DOCK2: variants seen among roughly 807,000 people sequenced by gnomAD.
The protein encoded by DOCK2 is dedicator of cytokinesis 2, also known as dedicator of cytokinesis protein 2.
Under a neutral mutation model 248.9 loss-of-function variants are expected in DOCK2, and 87 were observed. That is an observed-to-expected ratio of 0.35 (90% confidence interval 0.29 to 0.42). The LOEUF (loss-of-function observed/expected upper bound fraction) is 0.42. Among genes scored for constraint, DOCK2 ranks in the 10% least tolerant of loss-of-function variants. DOCK2 has a pLI of 1.00. For missense variants in DOCK2, 1,747 were observed against 2,300.2 expected (o/e 0.76, Z 4.92); for synonymous variants, 805 against 821.6 (o/e 0.98, Z 0.35).
chr5:169,801,690 T>G (rs1766999199), intron 25 of DOCK2, among the ~76,000 whole-genome samples: 1 of 152,114 alleles, frequency 6.6e-6, no homozygotes, highest in South Asian at 2.1e-4. Context: ...CTCCCCCACG[T>G]ACAGTCAGGG....
chr5:170,069,954 C>A (rs1000106264), intron 46 of DOCK2, among the ~76,000 whole-genome samples: 1 of 152,124 alleles, frequency 6.6e-6, no homozygotes, highest in African/African-American at 2.4e-5. Context: ...TTTTGCCCCC[C>A]ACCCCCACAC....
chr5:169,782,596 T>A (rs1241225683), intron 25 of DOCK2, among the ~76,000 whole-genome samples: 3 of 151,988 alleles, frequency 2.0e-5, no homozygotes, highest in Non-Finnish European at 4.4e-5. Flanking sequence ...AGGTCCTTCT[T>A]TCTACGCCTT....
At chr5:169,777,468 C>T (rs569502461) in intron 25 of DOCK2, among the ~76,000 whole-genome samples, 9 of 152,262 alleles carry the variant, frequency 5.9e-5, no homozygotes, top group Admixed American at 2.0e-4. Context: ...TGGAACCAGA[C>T]GCCACAGTGG....
At chr5:169,813,119 C>T (rs1767859572) in intron 26 of DOCK2, among the ~76,000 whole-genome samples, 1 of 152,206 alleles carries the variant, frequency 6.6e-6, no homozygotes, top group Non-Finnish European at 1.5e-5. Flanking sequence ...CTGTACAGGG[C>T]AGTGAGCTGG....
At chr5:169,722,518 C>G (rs766212075) in intron 22 of DOCK2, among the ~76,000 whole-genome samples, 2 of 152,196 alleles carry the variant, frequency 1.3e-5, no homozygotes, top group Non-Finnish European at 2.9e-5. Flanking sequence ...GATGTTCATG[C>G]AGGACAGACA....
chr5:169,671,107 T>G lies in DOCK2; in HGVS notation c.254T>G (p.Ile85Ser). Residue 85 changes from isoleucine to serine, a missense_variant, in exon 5 of 52, where the codon ATT (isoleucine) becomes AGT (serine). This residue lies in a region of DOCK2 where 375 missense variants were observed against 510.9 expected (regional missense o/e 0.73). Transcript: ENST00000520908. ...RNTENIIPAE[I>S]PLAQEVTTTL... is the part of the protein sequence containing the mutation. Reference sequence around the variant, plus strand: ...ACTGAGAACATCATTCCTGCAGAAATTCCTCTGGCACAAGAAGTGACAACG... The same window carrying G: ...ACTGAGAACATCATTCCTGCAGAAAGTCCTCTGGCACAAGAAGTGACAACG... 6.2e-7 allele frequency: 1 copy of G among 1,614,040 alleles called. No individual in the cohort carries two copies.
chr5:169,805,637 C>T (rs1409186895), intron 26 of DOCK2, among the ~76,000 whole-genome samples: 2 of 152,182 alleles, frequency 1.3e-5, no homozygotes, highest in Non-Finnish European at 2.9e-5. Context: ...TGAGGCTCTG[C>T]CCATCCCAGG....
intron 23 of DOCK2, among the ~76,000 whole-genome samples, chr5:169,753,063 A>AAAAT (rs1554097011): frequency 6.6e-6 from 1 of 151,534 alleles, no homozygotes; most frequent in Non-Finnish European, 1.5e-5. Flanking sequence ...GACTCTATCT[A>AAAAT]AAAATAAAAT....
chr5:169,734,199 A>G (rs888708212), intron 22 of DOCK2, among the ~76,000 whole-genome samples: 1 of 151,972 alleles, frequency 6.6e-6, no homozygotes, highest in Non-Finnish European at 1.5e-5. Flanking sequence ...TTCAATTACA[A>G]TATTATTTTC....
At chr5:169,961,715 C>T (rs1441786988) in intron 27 of DOCK2, among the ~76,000 whole-genome samples, 3 of 152,042 alleles carry the variant, frequency 2.0e-5, no homozygotes, top group Admixed American at 6.6e-5. Context: ...CAGTGGCTCA[C>T]GCCCGTAATC....
chr5:169,995,077 G>C (rs1217925336), intron 29 of DOCK2, among the ~76,000 whole-genome samples: 2 of 150,426 alleles, frequency 1.3e-5, no homozygotes, highest in African/African-American at 4.9e-5. Context: ...TGCCCAGGCT[G>C]GAGTGCAGTG....
At chr5:169,963,218 C>T (rs537174789) in intron 27 of DOCK2, among the ~76,000 whole-genome samples, 41 of 152,264 alleles carry the variant, frequency 2.7e-4, no homozygotes, top group East Asian at 5.8e-4. Context: ...AAGTGGTCCA[C>T]GTGGGGTGGG....
intron 21 of DOCK2, among the ~76,000 whole-genome samples, chr5:169,718,156 G>A (rs983885173): frequency 6.6e-6 from 1 of 152,116 alleles, no homozygotes; most frequent in African/African-American, 2.4e-5. Flanking sequence ...GGTGTAGGGA[G>A]AGGGTGAGAG....
intron 44 of DOCK2, among the ~76,000 whole-genome samples, chr5:170,064,195 A>G (rs1292484956): frequency 1.3e-5 from 2 of 152,186 alleles, no homozygotes; most frequent in African/African-American, 4.8e-5. Context: ...GAGCTGTCTT[A>G]TCTAATGCAG....
chr5:170,025,633 A>G (rs948005305), intron 33 of DOCK2, among the ~76,000 whole-genome samples: 4 of 152,110 alleles, frequency 2.6e-5, no homozygotes, highest in South Asian at 2.1e-4. Context: ...ATAGTCCCCA[A>G]CCCTTGACAT....
Position 169,717,587 on chromosome 5 carries a change from G to C in DOCK2, c.2132+103G>C. 3 of 1,015,668 alleles carry C rather than the reference G, an allele frequency of 3.0e-6. No homozygotes were observed. In the South Asian group the frequency reaches 3.9e-5, roughly 13 times the overall value. 62.9% of individuals were successfully genotyped at this position (1,015,668 alleles called of 1,614,324 possible). On this transcript the variant is annotated intron_variant, in intron 21 of 51. Transcript: ENST00000520908. ...AGTAATTTTCTTTTGTGACTCATCT[G>C]TGTGAGCTCTCCATTCTCTAACAAA...
intron 7 of DOCK2, among the ~76,000 whole-genome samples, chr5:169,683,484 GC>G (rs1306253835): frequency 1.3e-5 from 2 of 152,116 alleles, no homozygotes; most frequent in Non-Finnish European, 2.9e-5. Context: ...GCCCATCTCA[GC>G]CTTCCAAAGT....
intron 32 of DOCK2, among the ~76,000 whole-genome samples, chr5:170,016,860 A>G (rs1755556411): frequency 6.6e-6 from 1 of 152,124 alleles, no homozygotes; most frequent in South Asian, 2.1e-4. Context: ...GAAATCAGAA[A>G]CCTAGATTAG....
At position 169,716,287 on chromosome 5, in the gene DOCK2, C is replaced by T. The variant is rs542605509; in HGVS notation, c.2016C>T (p.Leu672=). 24 of 1,613,548 alleles carry T rather than the reference C, an allele frequency of 1.5e-5. No homozygotes were observed. Among genetic ancestry groups the T allele is most frequent in the East Asian group, 1.1e-4 (5 of 44,856 alleles). The change falls in exon 20 of 52, where the codon CTC becomes CTT. Residue 672 remains leucine (L), a synonymous_variant. Coordinates refer to ENST00000520908, the MANE Select transcript of DOCK2 (RefSeq NM_004946.3). The part of the protein sequence containing the change: ...EHSQSDEYDI[L]VFDALIYIIG... ...CTCAAAGTGATGAATATGACATCCTCGTCTTTGATGCCTTGGTAAGAGAGA... is the reference window on the plus strand; with the variant it reads ...CTCAAAGTGATGAATATGACATCCTTGTCTTTGATGCCTTGGTAAGAGAGA...
Sources: gnomAD v4.1 joint callset for allele counts (sites outside exome capture counted in the v4.1 genomes callset) on GRCh38, gnomAD v4.1.1 for gene constraint, gnomAD v4.1.1 regional missense constraint, MANE v1.5 for transcripts, NCBI Gene and HGNC (gene_info 2026-07-23, HGNC 2026-07-21) for gene names.